MKNK1: variants seen among roughly 807,000 people sequenced by gnomAD.
MKNK1 encodes the protein MAP kinase-interacting serine/threonine-protein kinase 1.
Under a neutral mutation model 49.3 loss-of-function variants are expected in MKNK1, and 30 were observed. The ratio of observed to expected loss-of-function variants is 0.61; its 90% CI spans 0.46 to 0.83. The LOEUF is 0.83. Among genes scored for constraint, MKNK1 ranks in the 40% least tolerant of loss-of-function variants. The pLI is 0.00. For missense variants in MKNK1, 423 were observed against 524.7 expected (o/e 0.81, Z 1.89); for synonymous variants, 176 against 201.7 (o/e 0.87, Z 1.08).
At chr1:46,567,387 A>C (rs1219642994) in intron 8 of MKNK1, among the ~76,000 whole-genome samples, 1 of 152,228 alleles carries the variant, frequency 6.6e-6, no homozygotes, top group Admixed American at 6.5e-5. Flanking sequence ...CCTCGTCCAT[A>C]AAATGAAGGT....
intron 8 of MKNK1, among the ~76,000 whole-genome samples, chr1:46,567,341 C>T (rs147507369): frequency 6.6e-6 from 1 of 152,342 alleles, no homozygotes. Context: ...TCATGGCTCA[C>T]TGGCTATACA....
At chr1:46,567,180 G>A (rs1669215699) in intron 8 of MKNK1, among the ~76,000 whole-genome samples, 1 of 152,032 alleles carries the variant, frequency 6.6e-6, no homozygotes, top group African/African-American at 2.4e-5. Context: ...TGGCCTCAAG[G>A]GATCCTCCTG....
intron 2 of MKNK1, among the ~76,000 whole-genome samples, chr1:46,592,550 CTG>C (rs1673483937): frequency 6.6e-6 from 1 of 152,176 alleles, no homozygotes; most frequent in Non-Finnish European, 1.5e-5. Context: ...GAAGAACAAA[CTG>C]GAGGCTAGAG....
chr1:46,568,382 A>G lies in MKNK1; in HGVS notation c.513+61T>C, dbSNP rs570779145. Reference sequence around the variant, plus strand: ...CGGAACTGCTAACAATCCATCCTGAAAGCAAGGGTGGCTTCCTCGGTAAGT... The same window carrying G: ...CGGAACTGCTAACAATCCATCCTGAGAGCAAGGGTGGCTTCCTCGGTAAGT... On this transcript the variant is annotated intron_variant, in intron 8 of 12. Coordinates refer to ENST00000371945, the MANE Select transcript of MKNK1 (RefSeq NM_001135553.4). The G allele has an allele frequency of 3.0e-4, 460 of 1,543,196 alleles. 1 individual carries two copies. Among genetic ancestry groups the G allele is most frequent in the Non-Finnish European group, 1.8e-5 (20 of 1,116,508 alleles).
At chr1:46,586,872 A>G (rs1672648216) in intron 2 of MKNK1, among the ~76,000 whole-genome samples, 1 of 152,144 alleles carries the variant, frequency 6.6e-6, no homozygotes, top group South Asian at 2.1e-4. Context: ...AATGCAGTGG[A>G]GTGCAGCTCA....
intron 8 of MKNK1, among the ~76,000 whole-genome samples, chr1:46,566,948 TGATA>T (rs1266887373): frequency 2.6e-5 from 4 of 152,234 alleles, no homozygotes; most frequent in African/African-American, 7.2e-5. Flanking sequence ...TTCACTTTCT[TGATA>T]GATAATGTCC....
intron 8 of MKNK1, 176 bp from the exon 9 acceptor site, chr1:46,565,312 G>A (rs1268596710): frequency 6.4e-6 from 4 of 625,438 alleles, no homozygotes; most frequent in Non-Finnish European, 1.1e-5. Context: ...CTTCCCAAGT[G>A]TCTTATTCCC....
At chr1:46,600,518 G>A (rs1224117743) in intron 1 of MKNK1, among the ~76,000 whole-genome samples, 1 of 152,132 alleles carries the variant, frequency 6.6e-6, no homozygotes, top group Non-Finnish European at 1.5e-5. Context: ...TACTCATGTG[G>A]GCTTGTTTCA....
At chr1:46,596,654 A>G (rs1422737661) in intron 1 of MKNK1, among the ~76,000 whole-genome samples, 4 of 152,228 alleles carry the variant, frequency 2.6e-5, no homozygotes, top group Non-Finnish European at 4.4e-5. Context: ...ACCATCATCT[A>G]TAAAATGGGG....
chr1:46,594,253 G>T lies in MKNK1; in HGVS notation c.-143C>A. 1 of 840,708 alleles carries T rather than the reference G, an allele frequency of 1.2e-6. No homozygotes were observed. The highest frequency in any genetic ancestry group is 2.1e-6 in the Non-Finnish European group (1 of 482,390). 52.1% of individuals were successfully genotyped at this position (840,708 alleles called of 1,614,324 possible). ...CTTTGTGCGTAGGTGGCAATCTTCAGTTCTCCATCGGCCTCTGACATGGAA... is the reference window on the plus strand; with the variant it reads ...CTTTGTGCGTAGGTGGCAATCTTCATTTCTCCATCGGCCTCTGACATGGAA... On this transcript the variant is annotated 5_prime_UTR_variant, in exon 2 of 13. The change creates a new upstream start codon in the 5' untranslated region. Transcript: ENST00000371945.
chr1:46,564,493 T>TTTTTTTTA (rs1668698960), intron 9 of MKNK1, among the ~76,000 whole-genome samples: 1 of 91,510 alleles, frequency 1.1e-5, no homozygotes, highest in East Asian at 3.8e-4. Context: ...TTTTTTTTTT[T>TTTTTTTTA]GAGACGGAGT....
At chr1:46,576,941 G>A (rs1671058781) in intron 4 of MKNK1, among the ~76,000 whole-genome samples, 2 of 152,176 alleles carry the variant, frequency 1.3e-5, no homozygotes, top group African/African-American at 4.8e-5. Context: ...TGAGGCAGCC[G>A]GCAAGACAAA....
intron 7 of MKNK1, 112 bp downstream of exon 7, chr1:46,571,951 G>C (rs1419617162): frequency 3.2e-6 from 3 of 926,952 alleles, no homozygotes; most frequent in Non-Finnish European, 5.1e-6. Context: ...ACCTCAAGCT[G>C]CCTTCCAGCC....
intron 4 of MKNK1, among the ~76,000 whole-genome samples, chr1:46,578,928 T>C (rs1349590132): frequency 1.3e-5 from 2 of 152,136 alleles, no homozygotes; most frequent in East Asian, 3.9e-4. Flanking sequence ...AATATTTTTG[T>C]ATTTTTAGTA....
chr1:46,565,937 CTTCTT>C, intron 8 of MKNK1, among the ~76,000 whole-genome samples: 1 of 152,178 alleles, frequency 6.6e-6, no homozygotes, highest in East Asian at 1.9e-4. Flanking sequence ...TCTATTTTTT[CTTCTT>C]TTCTTTTTCC....
Position 46,561,501 on chromosome 1 carries a change from G to C in MKNK1, c.946C>G (p.Leu316Val). The change falls in exon 11 of 13, where the codon CTG becomes GTG. Residue 316 changes from leucine to valine, a missense_variant. By Grantham distance (32) the Leu-to-Val change is conservative. Coordinates refer to ENST00000371945, the MANE Select transcript of MKNK1 (RefSeq NM_001135553.4). Reference sequence around the variant, plus strand: ...ACCCCCTGCACCCATGGGTGCTGCAGAACTTGGGCGGCGCTAAGTCTCTGC... The same window carrying C: ...ACCCCCTGCACCCATGGGTGCTGCACAACTTGGGCGGCGCTAAGTCTCTGC... The part of the protein sequence containing the change: ...AKQRLSAAQV[L>V]QHPWVQGQAP... 7 of 1,613,814 alleles carry C rather than the reference G, an allele frequency of 4.3e-6. No homozygotes were observed. The highest frequency in any genetic ancestry group is 5.9e-6 in the Non-Finnish European group (7 of 1,179,828).
intron 7 of MKNK1, chr1:46,570,233 T>C (rs1185636022): frequency 6.6e-6 from 1 of 152,128 alleles, no homozygotes; most frequent in Non-Finnish European, 1.5e-5. Context: ...AAATAAATAA[T>C]AAAACCTGCC....
chr1:46,568,357 C>T (rs149915604), intron 8 of MKNK1, 86 bp downstream of exon 8: 29 of 1,305,648 alleles, frequency 2.2e-5, no homozygotes, highest in African/African-American at 1.0e-4. Context: ...CTGAGGCCAA[C>T]GGAACTGCTA....
chr1:46,583,057 C>G, intron 3 of MKNK1, 171 bp downstream of exon 3: 1 of 692,828 alleles, frequency 1.4e-6, no homozygotes, highest in Non-Finnish European at 2.6e-6. Context: ...TGCTCTCTTT[C>G]TGTAATGCCC....
Sources: gnomAD v4.1 joint callset for allele counts (sites outside exome capture counted in the v4.1 genomes callset) on GRCh38, gnomAD v4.1.1 for gene constraint, MANE v1.5 for transcripts, NCBI Gene and HGNC (gene_info 2026-07-23, HGNC 2026-07-21) for gene names.